The following PHKA1 variants were observed in gnomAD, a reference collection of about 807,000 sequenced individuals.
PHKA1 encodes phosphorylase kinase regulatory subunit alpha 1, also known as phosphorylase b kinase regulatory subunit alpha, skeletal muscle isoform.
PHKA1 carries 60 observed loss-of-function variants against 110.2 expected under a neutral mutation model. The observed-to-expected ratio is 0.54, with a 90% CI of 0.44 to 0.68. PHKA1 has a LOEUF of 0.68. Ranked by LOEUF, PHKA1 falls within the 30% of genes least tolerant of loss-of-function variation. The probability of loss-of-function intolerance (pLI) is 0.00; values close to 1 mark genes in which losing one functional copy is unlikely to be tolerated. For missense variants in PHKA1, 801 were observed against 942.5 expected (o/e 0.85, Z 1.97); for synonymous variants, 316 against 333.6 (o/e 0.95, Z 0.58).
chrX:72,623,220 T>G lies in PHKA1; in HGVS notation c.1849A>C (p.Ser617Arg). The change falls in exon 18 of 32, where the codon AGC (serine) becomes CGC (arginine). Residue 617 changes from serine to arginine, a missense_variant. By Grantham distance (110) the Ser-to-Arg change is moderately radical. This residue lies in a region of PHKA1 where 502 missense variants were observed against 519.2 expected (regional missense o/e 0.97). Coordinates refer to ENST00000373542, the MANE Select transcript of PHKA1 (RefSeq NM_002637.4). ...CCCTCAGGTCCAGGGTCCATGAAGC[T>G]CAAGTGTGTGCAACAAGATGTTGTC... ...FLTTSCCTHLSFMDPGPEGKL... is the reference protein window; with the variant it reads ...FLTTSCCTHLRFMDPGPEGKL... The G allele has an allele frequency of 8.3e-7, 1 of 1,210,102 alleles. No homozygotes were observed. Among genetic ancestry groups the G allele is most frequent in the Non-Finnish European group, 1.1e-6 (1 of 894,490 alleles).
chrX:72,615,538 CAT>C (rs1378077917), intron 21 of PHKA1, among the ~76,000 whole-genome samples: 1 of 110,506 alleles, frequency 9.0e-6, no homozygotes, highest in African/African-American at 3.3e-5. Flanking sequence ...TTACTGTAAT[CAT>C]AGTTAAATTG....
chrX:72,657,128 G>A (rs2053505998), intron 9 of PHKA1, among the ~76,000 whole-genome samples: 2 of 111,836 alleles, frequency 1.8e-5, no homozygotes, highest in African/African-American at 6.5e-5. Flanking sequence ...TTGACTAGTT[G>A]AATAAAGGGA....
chrX:72,699,465 C>T (rs782637562), intron 3 of PHKA1, among the ~76,000 whole-genome samples: 10 of 93,437 alleles, frequency 1.1e-4, no homozygotes, highest in African/African-American at 2.8e-4. Context: ...GCCGAGATCG[C>T]GCCACTGCAC....
At chrX:72,676,752 C>T (rs1306797707) in intron 5 of PHKA1, among the ~76,000 whole-genome samples, 3 of 111,545 alleles carry the variant, frequency 2.7e-5, no homozygotes, top group African/African-American at 9.8e-5. Flanking sequence ...CTATAAATCC[C>T]CTGAATCATA....
intron 19 of PHKA1, 55 bp downstream of exon 19, chrX:72,620,670 T>C: frequency 9.4e-7 from 1 of 1,059,116 alleles, no homozygotes; most frequent in East Asian, 3.0e-5. Context: ...CCCGCCCCTA[T>C]CCTGGGCTTC....
chrX:72,667,083 CAGAA>C (rs1313713974), intron 7 of PHKA1, among the ~76,000 whole-genome samples: 2 of 112,203 alleles, frequency 1.8e-5, no homozygotes, highest in African/African-American at 3.2e-5. Flanking sequence ...AGGAGATACT[CAGAA>C]AGAGAGACCA....
chrX:72,681,851 G>A (rs868946755), intron 5 of PHKA1, among the ~76,000 whole-genome samples: 39 of 20,774 alleles, frequency 1.9e-3, no homozygotes, highest in South Asian at 4.7e-3. Context: ...GGAGGTGGGG[G>A]GGTCAGCCCC....
chrX:72,587,358 A>G (rs983441438), intron 29 of PHKA1, among the ~76,000 whole-genome samples: 7 of 111,558 alleles, frequency 6.3e-5, no homozygotes, highest in Non-Finnish European at 1.3e-4. Flanking sequence ...AGGAGAAATA[A>G]AATCCTTTAG....
At chrX:72,666,118 C>A in intron 8 of PHKA1, 33 bp downstream of exon 8, 1 of 1,199,146 alleles carries the variant, frequency 8.3e-7, no homozygotes, top group Admixed American at 2.2e-5. Context: ...AAAGTCACAG[C>A]CTTAAAGAAA....
chrX:72,697,937 CTG>C (rs2054150771), intron 3 of PHKA1, among the ~76,000 whole-genome samples: 1 of 108,577 alleles, frequency 9.2e-6, no homozygotes, highest in African/African-American at 3.4e-5. Context: ...TGAGCCGAGA[CTG>C]CGCCACTGCA....
Position 72,681,046 on chromosome X carries a change from C to T in PHKA1, c.537+3452G>A, listed in dbSNP as rs1410821934. On this transcript the variant is annotated intron_variant, in intron 5 of 31. Coordinates refer to ENST00000373542, the MANE Select transcript of PHKA1 (RefSeq NM_002637.4). ...GCCCAGTCTGGAAAGTGAGGAGCGT[C>T]TCCGCCCGGCCGCCATCCCATCTAG... is the stretch of plus-strand genomic sequence containing the variant. Among the ~76,000 whole-genome samples the T allele has an allele frequency of 4.4e-5, 2 of 45,848 alleles. 1 individual carries two copies. Among genetic ancestry groups the T allele is most frequent in the Non-Finnish European group, 8.1e-5 (2 of 24,749 alleles). 39.8% of individuals were successfully genotyped at this position (45,848 alleles called of 115,157 possible).
In PHKA1 at chrX:72,650,219, T is replaced by G. The variant is rs183879064; in HGVS notation, c.1324+171A>C. ...TAGAACATCATTCATTTGTTTATTA[T>G]TAAGATAACCAGCATTTTGAAACCA... On this transcript the variant is annotated intron_variant, in intron 13 of 31. Coordinates refer to ENST00000373542, the MANE Select transcript of PHKA1 (RefSeq NM_002637.4). 2.6e-3 allele frequency among the ~76,000 whole-genome samples: 289 copies of G among 111,911 alleles called. 1 individual carries two copies. The highest frequency in any genetic ancestry group is 8.8e-3 in the African/African-American group (270 of 30,769).
chrX:72,597,608 A>G (rs1422912420), intron 28 of PHKA1, among the ~76,000 whole-genome samples: 1 of 112,034 alleles, frequency 8.9e-6, no homozygotes, highest in Non-Finnish European at 1.9e-5. Context: ...ATGCATAATA[A>G]CCACATCAGG....
intron 8 of PHKA1, among the ~76,000 whole-genome samples, chrX:72,662,334 C>T (rs2053570214): frequency 8.9e-6 from 1 of 111,784 alleles, no homozygotes; most frequent in Non-Finnish European, 1.9e-5. Context: ...GACTCTTTGC[C>T]ATCATTTCAC....
chrX:72,650,209 T>C (rs782350912), intron 13 of PHKA1, among the ~76,000 whole-genome samples, 181 bp downstream of exon 13: 1 of 111,770 alleles, frequency 8.9e-6, no homozygotes, highest in South Asian at 3.7e-4. Flanking sequence ...CATCATTCAT[T>C]TGTTTATTAT....
In PHKA1 at chrX:72,679,399, T is replaced by C. The variant is rs782199734; in HGVS notation, c.538-3249A>G. Among the ~76,000 whole-genome samples the C allele has an allele frequency of 1.0e-4, 11 of 109,375 alleles. No individual in the cohort carries two copies. In the South Asian group the frequency reaches 4.4e-3, roughly 44 times the overall value. 95.0% of individuals were successfully genotyped at this position (109,375 alleles called of 115,157 possible). A position where few individuals can be genotyped will look rare whatever the true frequency, so the allele number is the denominator to read the frequency against. On this transcript the variant is annotated intron_variant, in intron 5 of 31. Coordinates refer to ENST00000373542, the MANE Select transcript of PHKA1 (RefSeq NM_002637.4). Reference sequence around the variant, plus strand: ...ATATCTAGGATGCAACATGATAAGATTCATGATGTCTTTCATCCAGTAAAA... The same window carrying C: ...ATATCTAGGATGCAACATGATAAGACTCATGATGTCTTTCATCCAGTAAAA...
chrX:72,705,056 C>G, intron 3 of PHKA1, 142 bp downstream of exon 3: 1 of 445,720 alleles, frequency 2.2e-6, no homozygotes, highest in Non-Finnish European at 4.1e-6. Flanking sequence ...CATTATCCCT[C>G]TCCAATTTTC....
chrX:72,699,201 G>A (rs1556328554), intron 3 of PHKA1, among the ~76,000 whole-genome samples: 1 of 110,508 alleles, frequency 9.0e-6, no homozygotes, highest in South Asian at 3.8e-4. Flanking sequence ...AAAAGGAGAT[G>A]TAAAGAAAGT....
chrX:72,703,967 T>A (rs1413217000), intron 3 of PHKA1, among the ~76,000 whole-genome samples: 1 of 111,911 alleles, frequency 8.9e-6, no homozygotes, highest in Non-Finnish European at 1.9e-5. Flanking sequence ...AACACTCTTG[T>A]ATGCAAAAAT....
Sources: allele counts gnomAD v4.1 joint callset (sites outside exome capture counted in the v4.1 genomes callset), GRCh38; gene constraint gnomAD v4.1.1; regional missense constraint gnomAD v4.1.1; transcripts MANE v1.5; gene names NCBI Gene and HGNC (gene_info 2026-07-23, HGNC 2026-07-21).